ABCA8: variants seen among roughly 807,000 people sequenced by gnomAD.
ABCA8 encodes ABC-type organic anion transporter ABCA8.
ABCA8 carries 177 observed loss-of-function variants against 192.3 expected under a neutral mutation model. The observed-to-expected ratio is 0.92, with a 90% CI of 0.81 to 1.04. The LOEUF (loss-of-function observed/expected upper bound fraction) is 1.04. Ranked by LOEUF, ABCA8 falls within the 50% of genes least tolerant of loss-of-function variation. The pLI is 0.00. For missense variants in ABCA8, 1,915 were observed against 1,904.8 expected (o/e 1.01, Z -0.10); for synonymous variants, 642 against 690.2 (o/e 0.93, Z 1.09).
intron 36 of ABCA8, 84 bp downstream of exon 36, chr17:68,875,530 T>C (rs2066178933): frequency 3.1e-6 from 5 of 1,590,704 alleles, no homozygotes. Context: ...ATTTCAGCTG[T>C]TTTCAGTGAT....
intron 31 of ABCA8, among the ~76,000 whole-genome samples, chr17:68,881,647 A>G (rs2066338728): frequency 6.6e-6 from 1 of 152,232 alleles, no homozygotes; most frequent in Admixed American, 6.5e-5. Context: ...TCATCTTATT[A>G]GAGAGCTTAT....
rs2066412119 is a variant in ABCA8, at chr17:68,884,470, GC to G, written c.3550-75del. On this transcript the variant is annotated intron_variant, in intron 27 of 39. Transcript: ENST00000586539. Reference sequence around the variant, plus strand: ...ATTTTGTCCACATATACGTGAATTGGCCCTAAACAGCCCTGCTAACATTTGA... The same window carrying G: ...ATTTTGTCCACATATACGTGAATTGGCCTAAACAGCCCTGCTAACATTTGA... The G allele has an allele frequency of 4.1e-6, 6 of 1,456,328 alleles. No individual in the cohort carries two copies. In the South Asian group the frequency reaches 4.8e-5, roughly 12 times the overall value. The allele number at this position is 1,456,328 out of a possible 1,614,324, so 90.2% of individuals were successfully genotyped here.
chr17:68,942,145 A>T (rs2068248709), intron 2 of ABCA8, 106 bp from the exon 3 acceptor site: 2 of 764,696 alleles, frequency 2.6e-6, no homozygotes, highest in Non-Finnish European at 4.2e-6. Context: ...CAATGTTCCA[A>T]ATGAGTGCAA....
rs2066623457 is a variant in ABCA8, at chr17:68,891,568, AG to A, written c.3064del (p.Leu1022TrpfsTer10). 2.5e-6 allele frequency: 4 copies of A among 1,612,954 alleles called. No individual in the cohort carries two copies. Among genetic ancestry groups the A allele is most frequent in the Non-Finnish European group, 3.4e-6 (4 of 1,179,678 alleles). On this transcript the variant is annotated frameshift_variant, in exon 24 of 40. Transcript: ENST00000586539. LOFTEE classifies it high-confidence loss of function. Reference sequence around the variant, plus strand: ...AACCAGCCAGAACATGATATATGCCAGGAATCCGATTGGATTGTCCTGTCCA... The same window carrying A: ...AACCAGCCAGAACATGATATATGCCAGAATCCGATTGGATTGTCCTGTCCA... ...ENGQDNPIGF[L>X]AYIMFWLVLT...
chr17:68,894,538 C>G (rs1340005821), intron 22 of ABCA8, among the ~76,000 whole-genome samples: 1 of 152,138 alleles, frequency 6.6e-6, no homozygotes, highest in East Asian at 1.9e-4. Context: ...CACCGGATGT[C>G]TTGCTTGAGG....
intron 23 of ABCA8, among the ~76,000 whole-genome samples, chr17:68,893,574 T>G (rs1270425240): frequency 6.6e-6 from 1 of 152,112 alleles, no homozygotes; most frequent in Non-Finnish European, 1.5e-5. Context: ...ATTTGTTCCT[T>G]CCTTTGTTCT....
In ABCA8 at chr17:68,941,838, T is replaced by C. The variant is rs189796180; in HGVS notation, c.96+101A>G. ...TAAACGTTGCTGTATTTTAGTGTTT[T>C]TGGTGTATGTGTCGGGGGAGATACA... On this transcript the variant is annotated intron_variant, in intron 3 of 39. Coordinates refer to ENST00000586539, the MANE Select transcript of ABCA8 (RefSeq NM_001288985.2). 3.1e-5 allele frequency: 23 copies of C among 736,026 alleles called. No homozygotes were observed. In the African/African-American group the frequency reaches 3.9e-4, roughly 13 times the overall value. The allele number at this position is 736,026 out of a possible 1,614,324, so 45.6% of individuals were successfully genotyped here. A position where few individuals can be genotyped will look rare whatever the true frequency, so the allele number is the denominator to read the frequency against.
intron 11 of ABCA8, among the ~76,000 whole-genome samples, chr17:68,923,611 C>A (rs1017826560): frequency 1.3e-5 from 2 of 152,198 alleles, no homozygotes; most frequent in African/African-American, 2.4e-5. Flanking sequence ...AAGAAACACA[C>A]AAGCACCTCA....
intron 35 of ABCA8, 136 bp from the exon 36 acceptor site, chr17:68,875,869 G>A: frequency 2.0e-6 from 2 of 1,016,572 alleles, no homozygotes; most frequent in Non-Finnish European, 2.8e-6. Flanking sequence ...TTCTTAATAG[G>A]GCAGGTAGGA....
At chr17:68,876,804 C>T in intron 33 of ABCA8, 101 bp from the exon 34 acceptor site, 1 of 1,423,000 alleles carries the variant, frequency 7.0e-7, no homozygotes, top group Non-Finnish European at 9.8e-7. Flanking sequence ...AAATGCAGTT[C>T]TGGAAATACA....
intron 4 of ABCA8, among the ~76,000 whole-genome samples, chr17:68,939,461 C>G (rs757294075): frequency 6.6e-6 from 1 of 152,066 alleles, no homozygotes; most frequent in Non-Finnish European, 1.5e-5. Context: ...GAACCAAGAT[C>G]AACACTAACC....
intron 2 of ABCA8, among the ~76,000 whole-genome samples, chr17:68,945,822 C>T (rs4147954): frequency 0.51 from 76,584 of 151,498 alleles, 19,831 homozygotes; most frequent in Middle Eastern, 0.59. Context: ...TGTGTGTGTG[C>T]GCATATGTAT....
At chr17:68,950,371 C>G (rs2068537534) in intron 1 of ABCA8, among the ~76,000 whole-genome samples, 1 of 152,096 alleles carries the variant, frequency 6.6e-6, no homozygotes, top group Non-Finnish European at 1.5e-5. Flanking sequence ...CAAAAAAGAG[C>G]CCGCGTAGCC....
intron 10 of ABCA8, 144 bp downstream of exon 10, chr17:68,927,772 G>A (rs1285001498): frequency 1.8e-6 from 1 of 569,194 alleles, no homozygotes; most frequent in Non-Finnish European, 2.9e-6. Context: ...AAATAATTTG[G>A]CCAGTAGCGA....
chr17:68,910,781 G>A (rs2067211954), intron 17 of ABCA8, among the ~76,000 whole-genome samples: 1 of 152,176 alleles, frequency 6.6e-6, no homozygotes, highest in African/African-American at 2.4e-5. Flanking sequence ...GCAGAGTTCT[G>A]AGGACCCCAT....
At chr17:68,879,090 C>T (rs2066274267) in intron 32 of ABCA8, 1 of 152,154 alleles carries the variant, frequency 6.6e-6, no homozygotes, top group Admixed American at 6.5e-5. Context: ...AACCTGAGCT[C>T]TTTTTCTGTT....
intron 37 of ABCA8, 73 bp from the exon 38 acceptor site, chr17:68,869,852 G>T (rs1598171351): frequency 2.9e-6 from 3 of 1,019,474 alleles, no homozygotes; most frequent in East Asian, 4.8e-5. Flanking sequence ...TCATCTCTCT[G>T]GTCTTTTTTT....
At chr17:68,930,541 A>G (rs764118131) in intron 7 of ABCA8, among the ~76,000 whole-genome samples, 28 of 152,232 alleles carry the variant, frequency 1.8e-4, no homozygotes, top group Non-Finnish European at 3.1e-4. Flanking sequence ...TGCAAAGCCA[A>G]CACAATAATA....
chr17:68,920,198 G>T (rs1185900123), intron 13 of ABCA8, among the ~76,000 whole-genome samples: 4 of 152,116 alleles, frequency 2.6e-5, no homozygotes. Context: ...GGAGCTAAAT[G>T]ATAAGAACTT....
Sources: allele counts gnomAD v4.1 joint callset (sites outside exome capture counted in the v4.1 genomes callset), GRCh38; gene constraint gnomAD v4.1.1; transcripts MANE v1.5; gene names NCBI Gene and HGNC (gene_info 2026-07-23, HGNC 2026-07-21).